IARS2: variants seen among roughly 807,000 people sequenced by gnomAD.
IARS2 encodes isoleucine--tRNA ligase, mitochondrial.
Under a neutral mutation model 126.3 loss-of-function variants are expected in IARS2, and 56 were observed. The ratio of observed to expected loss-of-function variants is 0.44; its 90% CI spans 0.36 to 0.55. The LOEUF (loss-of-function observed/expected upper bound fraction) is 0.55, where lower values mean the gene tolerates loss of function less well. Among genes scored for constraint, IARS2 ranks in the 20% least tolerant of loss-of-function variants. The pLI is 0.00. For synonymous variants in IARS2, 407 were observed against 441.1 expected (o/e 0.92, Z 0.97); for missense variants, 1,127 against 1,245.9 (o/e 0.90, Z 1.44).
intron 15 of IARS2, chr1:220,134,946 T>G (rs556046818): frequency 6.6e-6 from 1 of 152,572 alleles, no homozygotes; most frequent in Non-Finnish European, 1.5e-5. Flanking sequence ...TTTTAATTTT[T>G]TTTTAGAGGT....
chr1:220,114,101 A>C (rs994320233), intron 11 of IARS2, among the ~76,000 whole-genome samples: 2 of 152,136 alleles, frequency 1.3e-5, no homozygotes, highest in Non-Finnish European at 2.9e-5. Context: ...TGCTCCCGAT[A>C]TTATTTATTA....
intron 21 of IARS2, chr1:220,143,417 CTTTT>C: frequency 4.4e-6 from 1 of 228,444 alleles, no homozygotes; most frequent in Non-Finnish European, 8.6e-6. Context: ...ATCACTGATT[CTTTT>C]GTTTCCTATT....
At chr1:220,111,550 C>A (rs1030613696) in intron 11 of IARS2, among the ~76,000 whole-genome samples, 2 of 147,464 alleles carry the variant, frequency 1.4e-5, no homozygotes, top group Non-Finnish European at 1.5e-5. Context: ...TGAGCCCTTT[C>A]ATTTAATATG....
Position 220,096,130 on chromosome 1 carries a change from A to G in IARS2, c.294A>G (p.Ser98=). The part of the protein sequence containing the change: ...QQKCGFSELY[S]WQRERKVKTE... Reference sequence around the variant, plus strand: ...AATGTGGATTTTCAGAACTTTATTCATGGCAAAGAGAAAGAAAAGTAAAGA... The same window carrying G: ...AATGTGGATTTTCAGAACTTTATTCGTGGCAAAGAGAAAGAAAAGTAAAGA... Residue 98 remains serine, a synonymous_variant, in exon 2 of 23, where the codon TCA becomes TCG. Coordinates refer to ENST00000366922, the MANE Select transcript of IARS2 (RefSeq NM_018060.4). 6.6e-7 allele frequency: 1 copy of G among 1,503,928 alleles called. No homozygotes were observed. Among genetic ancestry groups the G allele is most frequent in the Non-Finnish European group, 9.2e-7 (1 of 1,088,858 alleles). The allele number at this position is 1,503,928 out of a possible 1,614,324, so 93.2% of individuals were successfully genotyped here.
At chr1:220,113,100 G>C (rs944935214) in intron 11 of IARS2, among the ~76,000 whole-genome samples, 1 of 151,992 alleles carries the variant, frequency 6.6e-6, no homozygotes, top group African/African-American at 2.4e-5. Flanking sequence ...CCTGAGCTCG[G>C]GTGATCCGCC....
At chr1:220,119,665 A>G (rs1656997924) in intron 12 of IARS2, among the ~76,000 whole-genome samples, 1 of 152,146 alleles carries the variant, frequency 6.6e-6, no homozygotes, top group South Asian at 2.1e-4. Context: ...AAATAGGACT[A>G]ATACCTCTTG....
intron 14 of IARS2, among the ~76,000 whole-genome samples, chr1:220,130,542 G>T (rs1342191230): frequency 1.3e-5 from 2 of 152,054 alleles, no homozygotes; most frequent in African/African-American, 2.4e-5. Context: ...TATATGGTGA[G>T]AGGTAGGGGT....
chr1:220,145,907 T>G (rs985794699), intron 22 of IARS2, among the ~76,000 whole-genome samples: 1 of 152,174 alleles, frequency 6.6e-6, no homozygotes, highest in African/African-American at 2.4e-5. Flanking sequence ...GAATAAATAA[T>G]GGTCACTGTA....
intron 12 of IARS2, 95 bp downstream of exon 12, chr1:220,114,569 T>C (rs1656877350): frequency 2.2e-6 from 2 of 895,684 alleles, no homozygotes; most frequent in Non-Finnish European, 3.4e-6. Flanking sequence ...ACCGTTTATA[T>C]ATGTTAAATA....
chr1:220,130,174 G>A (rs1036586465), intron 14 of IARS2, among the ~76,000 whole-genome samples: 18 of 152,148 alleles, frequency 1.2e-4, no homozygotes, highest in Non-Finnish European at 2.1e-4. Context: ...AGAAATGTCT[G>A]TTCAGACCCT....
intron 10 of IARS2, among the ~76,000 whole-genome samples, chr1:220,107,787 G>A (rs1314986529): frequency 1.3e-5 from 2 of 152,176 alleles, no homozygotes; most frequent in Non-Finnish European, 2.9e-5. Context: ...TTTTATGGGA[G>A]AATCCTTACT....
At chr1:220,110,064 T>A (rs573634385) in intron 10 of IARS2, among the ~76,000 whole-genome samples, 1 of 152,326 alleles carries the variant, frequency 6.6e-6, no homozygotes, top group East Asian at 1.9e-4. Flanking sequence ...TTATTTTATT[T>A]TTTTTTGTGA....
Position 220,105,987 on chromosome 1 carries a change from C to G in IARS2, c.1163C>G (p.Thr388Arg). Residue 388 changes from threonine to arginine, a missense_variant, in exon 9 of 23, where the codon ACG (threonine) becomes AGG (arginine). Physicochemically the swap from Thr to Arg is moderately conservative, Grantham distance 71. Transcript: ENST00000366922. ...AATCATGTGACCATGGCAAAAGGAA[C>G]GGGATTGGTTCACACAGCCCCAGCT... The part of the protein sequence containing the change: ...PANHVTMAKG[T>R]GLVHTAPAHG... 2 of 1,614,030 alleles carry G rather than the reference C, an allele frequency of 1.2e-6. No homozygotes were observed. The highest frequency in any genetic ancestry group is 1.7e-6 in the Non-Finnish European group (2 of 1,179,932).
At chr1:220,134,375 T>G in intron 14 of IARS2, 27 bp from the exon 15 acceptor site, 1 of 1,488,092 alleles carries the variant, frequency 6.7e-7, no homozygotes, top group Non-Finnish European at 9.1e-7. Flanking sequence ...TTCTGGGTTT[T>G]TTTTTCTTTT....
chr1:220,114,977 A>T (rs182233065), intron 12 of IARS2, among the ~76,000 whole-genome samples: 6 of 151,376 alleles, frequency 4.0e-5, no homozygotes, highest in Admixed American at 3.3e-4. Context: ...TAATAGATGG[A>T]CATAGTGAAC....
chr1:220,105,786 ATTG>A, intron 8 of IARS2, 102 bp from the exon 9 acceptor site: 2 of 886,626 alleles, frequency 2.3e-6, no homozygotes, highest in Non-Finnish European at 3.6e-6. Context: ...CCTAGCCAGT[ATTG>A]TTCTAGATTC....
chr1:220,125,746 C>T (rs1433898939), intron 13 of IARS2, among the ~76,000 whole-genome samples: 3 of 150,794 alleles, frequency 2.0e-5, no homozygotes, highest in Admixed American at 6.6e-5. Context: ...CAGGTTGCAG[C>T]GAGCCAAGAT....
chr1:220,143,337 A>T (rs1395692963), intron 21 of IARS2: 24 of 346,170 alleles, frequency 6.9e-5, no homozygotes, highest in Non-Finnish European at 1.0e-4. Context: ...ATGCACATTT[A>T]AAAAAAAGTG....
intron 13 of IARS2, among the ~76,000 whole-genome samples, chr1:220,126,038 C>T (rs1657148344): frequency 1.4e-5 from 2 of 147,532 alleles, no homozygotes; most frequent in Admixed American, 6.9e-5. Flanking sequence ...ACCCGGGAGG[C>T]GGAGCTTGCA....
Sources: gnomAD v4.1 joint callset for allele counts (sites outside exome capture counted in the v4.1 genomes callset) on GRCh38, gnomAD v4.1.1 for gene constraint, MANE v1.5 for transcripts, NCBI Gene and HGNC (gene_info 2026-07-23, HGNC 2026-07-21) for gene names.